The following PRCC variants were observed in gnomAD, a reference collection of about 807,000 sequenced individuals.
PRCC encodes the protein proline-rich protein PRCC.
PRCC carries 10 observed loss-of-function variants against 44.0 expected under a neutral mutation model. The ratio of observed to expected loss-of-function variants is 0.23; its 90% CI spans 0.14 to 0.39. The LOEUF (loss-of-function observed/expected upper bound fraction) is 0.39. Ranked by LOEUF, PRCC falls within the 10% of genes least tolerant of loss-of-function variation. PRCC has a pLI of 1.00. For synonymous variants in PRCC, 278 were observed against 259.5 expected, an observed-to-expected ratio of 1.07 and a Z score of -0.69; for missense variants, 573 against 624.7, an observed-to-expected ratio of 0.92 and a Z score of 0.88.
intron 2 of PRCC, among the ~76,000 whole-genome samples, chr1:156,783,254 A>G (rs1415899051): frequency 6.6e-6 from 1 of 152,100 alleles, no homozygotes; most frequent in Admixed American, 6.6e-5. Flanking sequence ...AGCTCCTTGT[A>G]ATTGAAACCA....
intron 3 of PRCC, among the ~76,000 whole-genome samples, chr1:156,789,573 G>C (rs902648686): frequency 5.3e-5 from 8 of 152,042 alleles, no homozygotes; most frequent in Non-Finnish European, 8.8e-5. Flanking sequence ...GGGCCAAGGA[G>C]GAAAGAAGGG....
rs1487919428 is a variant in PRCC at position 156,767,649 on chromosome 1, G to C, written c.-123G>C. The C allele has an allele frequency of 3.1e-6, 3 of 953,510 alleles. No individual in the cohort carries two copies. Among genetic ancestry groups the C allele is most frequent in the Non-Finnish European group, 4.6e-6 (3 of 649,642 alleles). The allele number at this position is 953,510 out of a possible 1,614,324, so 59.1% of individuals were successfully genotyped here. A position where few individuals can be genotyped will look rare whatever the true frequency, so the allele number is the denominator to read the frequency against. On this transcript the variant is annotated 5_prime_UTR_variant, in exon 1 of 7. Coordinates refer to ENST00000271526, the MANE Select transcript of PRCC (RefSeq NM_005973.5). ...TCTGCCGGGGCTAGCCCTAGAGTAC[G>C]GAGCAGGCGGACTTTTCGGTTCCCC...
intron 3 of PRCC, among the ~76,000 whole-genome samples, chr1:156,789,680 A>G (rs1652409517): frequency 6.6e-6 from 1 of 152,224 alleles, no homozygotes; most frequent in African/African-American, 2.4e-5. Context: ...TTGAATCTCA[A>G]GCTGAGTTTG....
intron 3 of PRCC, among the ~76,000 whole-genome samples, chr1:156,789,109 A>G (rs1466431079): frequency 6.6e-6 from 1 of 151,598 alleles, no homozygotes; most frequent in East Asian, 1.9e-4. Flanking sequence ...AACTGGGATT[A>G]TATGTGCCCG....
At chr1:156,787,843 A>AT (rs1237869585) in intron 3 of PRCC, among the ~76,000 whole-genome samples, 6 of 141,024 alleles carry the variant, frequency 4.3e-5, no homozygotes, top group Non-Finnish European at 7.7e-5. Context: ...TGTATTTTAT[A>AT]TTTTTTGAGA....
chr1:156,791,139 C>T (rs755301133), intron 3 of PRCC: 21 of 1,418,528 alleles, frequency 1.5e-5, no homozygotes, highest in South Asian at 9.1e-5. Context: ...ATCTGGTAAA[C>T]GAACCTGCTT....
chr1:156,785,585 T>G (rs1652212360), intron 2 of PRCC, among the ~76,000 whole-genome samples: 1 of 143,884 alleles, frequency 7.0e-6, no homozygotes, highest in Non-Finnish European at 1.6e-5. Flanking sequence ...CAGGTTCCTA[T>G]CTAAGGGGGG....
rs546635373 is a variant in PRCC, at chr1:156,767,572, T to C, written c.-200T>C. 131 of 601,408 alleles carry C rather than the reference T, an allele frequency of 2.2e-4. No individual in the cohort carries two copies. The highest frequency in any genetic ancestry group is 3.6e-4 in the Non-Finnish European group (125 of 344,752). The allele number at this position is 601,408 out of a possible 1,614,324, so 37.3% of individuals were successfully genotyped here. On this transcript the variant is annotated 5_prime_UTR_variant, in exon 1 of 7. Transcript: ENST00000271526. ...TGTGTAGTTGCCCGGGACTAGGAGC[T>C]TAAGTGAAGAGGTACGCCTTGTTCG...
rs35911411 is a variant in PRCC at position 156,795,285 on chromosome 1, G to GTTTTTTTTTTTTTTTTTT, written c.1323+484_1323+501dup. ...CTTCCAATTGTTTTCATTTTCTGGT[G>GTTTTTTTTTTTTTTTTTT]TTTTTTTTTTTTTTTTTTTTTTTTC... On this transcript the variant is annotated intron_variant, in intron 5 of 6. Coordinates refer to ENST00000271526, the MANE Select transcript of PRCC (RefSeq NM_005973.5). Among the ~76,000 whole-genome samples the GTTTTTTTTTTTTTTTTTT allele has an allele frequency of 4.2e-4, 15 of 36,062 alleles. 5 individuals carry two copies. Among genetic ancestry groups the GTTTTTTTTTTTTTTTTTT allele is most frequent in the African/African-American group, 5.6e-4 (4 of 7,174 alleles). The allele number at this position is 36,062 out of a possible 152,430, so 23.7% of individuals were successfully genotyped here.
intron 4 of PRCC, among the ~76,000 whole-genome samples, chr1:156,792,464 T>G (rs567202240): frequency 6.6e-6 from 1 of 152,254 alleles, no homozygotes; most frequent in African/African-American, 2.4e-5. Context: ...GTTTGTTTGT[T>G]TTGAGCAGAG....
intron 5 of PRCC, among the ~76,000 whole-genome samples, chr1:156,795,424 G>A (rs138875366): frequency 1.3e-5 from 2 of 150,476 alleles, no homozygotes; most frequent in African/African-American, 2.4e-5. Context: ...GACTACAGGT[G>A]CATGCCACCA....
intron 3 of PRCC, among the ~76,000 whole-genome samples, chr1:156,789,555 G>T (rs1652404693): frequency 6.6e-6 from 1 of 152,140 alleles, no homozygotes; most frequent in African/African-American, 2.4e-5. Context: ...AACAGGAAGG[G>T]AGAGTTGGGG....
chr1:156,771,483 G>A (rs1342317815), intron 1 of PRCC, among the ~76,000 whole-genome samples: 1 of 152,194 alleles, frequency 6.6e-6, no homozygotes, highest in Non-Finnish European at 1.5e-5. Context: ...ATATTTAGGA[G>A]GGGGAAGTGA....
chr1:156,780,463 T>G (rs1350729983), intron 1 of PRCC, among the ~76,000 whole-genome samples: 1 of 151,752 alleles, frequency 6.6e-6, no homozygotes, highest in Non-Finnish European at 1.5e-5. Context: ...TTTATTTATT[T>G]TTAGTATTTG....
At chr1:156,798,279 G>A (rs755725513) in intron 6 of PRCC, among the ~76,000 whole-genome samples, 4 of 151,958 alleles carry the variant, frequency 2.6e-5, no homozygotes, top group Non-Finnish European at 5.9e-5. Context: ...ACACCTGCTG[G>A]CATAGCTGCA....
At position 156,787,161 on chromosome 1, in the gene PRCC, G is replaced by T. The variant is rs765303969; in HGVS notation, c.1070G>T (p.Gly357Val). Reference protein sequence around the residue: ...FSTYGDANAAGAYYQDYYSGG... With the variant: ...FSTYGDANAAVAYYQDYYSGG... ...ACATATGGCGATGCCAATGCCGCTG[G>T]TGCTTATTATCAGGTGGGTAGGAGG... Residue 357 changes from glycine to valine, a missense_variant, in exon 3 of 7, where the codon GGT (glycine) becomes GTT (valine). Physicochemically the swap from Gly to Val is moderately radical, Grantham distance 109. Around this residue, in one of 4 missense-constraint regions of PRCC, gnomAD observed 141 missense variants for 130.2 expected, o/e 1.08. Transcript: ENST00000271526. 2.5e-6 allele frequency: 4 copies of T among 1,603,268 alleles called. No individual in the cohort carries two copies. The highest frequency in any genetic ancestry group is 1.7e-5 in the Admixed American group (1 of 59,700).
In PRCC at chr1:156,767,908, A is replaced by G. The variant is rs1464485246; in HGVS notation, c.137A>G (p.Lys46Arg). The change falls in exon 1 of 7, where the codon AAG becomes AGG. Residue 46 changes from lysine (K) to arginine (R), a missense_variant. By Grantham distance (26) the Lys-to-Arg change is conservative. This residue lies in a region of PRCC where 245 missense variants were observed against 188.5 expected (regional missense o/e 1.30). Transcript: ENST00000271526. ...GGLFASLPAPKGPALLPPPPQ... is the reference protein window; with the variant it reads ...GGLFASLPAPRGPALLPPPPQ... ...TTGTTCGCTTCTCTCCCTGCGCCCAAGGGTCCGGCCTTGCTGCCTCCGCCC... is the reference window on the plus strand; with the variant it reads ...TTGTTCGCTTCTCTCCCTGCGCCCAGGGGTCCGGCCTTGCTGCCTCCGCCC... 8.7e-6 allele frequency: 14 copies of G among 1,601,756 alleles called. No individual in the cohort carries two copies. Among genetic ancestry groups the G allele is most frequent in the Non-Finnish European group, 1.1e-5 (13 of 1,174,982 alleles).
At chr1:156,790,177 A>T (rs1354694097) in intron 3 of PRCC, among the ~76,000 whole-genome samples, 1 of 152,278 alleles carries the variant, frequency 6.6e-6, no homozygotes, top group Non-Finnish European at 1.5e-5. Context: ...CAATCTGGGC[A>T]TGAGTGAAGA....
At position 156,786,840 on chromosome 1, in the gene PRCC, A is replaced by G; in HGVS notation, c.749A>G (p.Lys250Arg). The change falls in exon 3 of 7, where the codon AAG becomes AGG. Residue 250 changes from lysine to arginine, a missense_variant. By Grantham distance (26) the Lys-to-Arg change is conservative. Around this residue, in one of 4 missense-constraint regions of PRCC, gnomAD observed 118 missense variants for 166.7 expected, o/e 0.71. Transcript: ENST00000271526. ...CCCTCTGCTATCAAGGCTGCTGCCA[A>G]GAGTGCTGCCCTGCAGGTGACAAAG... ...PSPSAIKAAA[K>R]SAALQVTKQI... The G allele has an allele frequency of 1.2e-6, 2 of 1,614,232 alleles. No individual in the cohort carries two copies. Among genetic ancestry groups the G allele is most frequent in the Non-Finnish European group, 1.7e-6 (2 of 1,180,038 alleles).
Sources: gnomAD v4.1 joint callset for allele counts (sites outside exome capture counted in the v4.1 genomes callset) on GRCh38, gnomAD v4.1.1 for gene constraint, gnomAD v4.1.1 regional missense constraint, MANE v1.5 for transcripts, NCBI Gene and HGNC (gene_info 2026-07-23, HGNC 2026-07-21) for gene names.